Variants in LRRTM4 observed in about 807,000 individuals in gnomAD.
LRRTM4 encodes leucine-rich repeat transmembrane neuronal protein 4.
Under a neutral mutation model 47.6 loss-of-function variants are expected in LRRTM4, and 25 were observed. The ratio of observed to expected loss-of-function variants is 0.53; its 90% CI spans 0.38 to 0.73. The LOEUF (loss-of-function observed/expected upper bound fraction) is 0.73. LRRTM4 is among the 30% of genes least tolerant of loss of function. The probability of loss-of-function intolerance (pLI) is 0.00; values close to 1 mark genes in which losing one functional copy is unlikely to be tolerated. For missense variants in LRRTM4, 638 were observed against 713.4 expected, an observed-to-expected ratio of 0.89 and a Z score of 1.20; for synonymous variants, 311 against 269.5, an observed-to-expected ratio of 1.15 and a Z score of -1.51.
In LRRTM4 at chr2:77,007,454, G is replaced by A. The variant is rs375766390; in HGVS notation, c.1552-258538C>T. Among the ~76,000 whole-genome samples the A allele has an allele frequency of 9.2e-5, 14 of 152,230 alleles. No homozygotes were observed. In the East Asian group the frequency reaches 1.9e-3, roughly 21 times the overall value. On this transcript the variant is annotated intron_variant, in intron 3 of 3. Transcript: ENST00000409884. ...CTATATGACCAAATTTCATTCCCAT[G>A]TGAAAGAATATATTTGGAAAGCAAT...
intron 3 of LRRTM4, among the ~76,000 whole-genome samples, chr2:76,765,949 G>A (rs560150239): frequency 6.6e-6 from 1 of 152,310 alleles, no homozygotes; most frequent in East Asian, 1.9e-4. Flanking sequence ...AACATTTCTT[G>A]AAAGAGAGAT....
chr2:77,438,393 ATTTTTTTTTTTTTTTTT>A (rs70956631), intron 3 of LRRTM4, among the ~76,000 whole-genome samples: 3 of 100,172 alleles, frequency 3.0e-5, no homozygotes, highest in East Asian at 2.9e-4. Flanking sequence ...GATCATGATA[ATTTTTTTTTTTTTTTTT>A]TTTTTTTTTT....
chr2:77,365,913 T>A (rs1672429433), intron 3 of LRRTM4, among the ~76,000 whole-genome samples: 1 of 130,558 alleles, frequency 7.7e-6, no homozygotes, highest in African/African-American at 4.1e-5. Flanking sequence ...TCCTATATTA[T>A]ATATATATAA....
chr2:76,794,555 T>C (rs1349897262), intron 3 of LRRTM4, among the ~76,000 whole-genome samples: 5 of 152,238 alleles, frequency 3.3e-5, no homozygotes, highest in Non-Finnish European at 4.4e-5. Flanking sequence ...AATTGCTTTA[T>C]TAATTCTATA....
At chr2:76,795,056 A>G (rs1173907126) in intron 3 of LRRTM4, among the ~76,000 whole-genome samples, 1 of 151,942 alleles carries the variant, frequency 6.6e-6, no homozygotes, top group Non-Finnish European at 1.5e-5. Flanking sequence ...GGCAGATAGT[A>G]AGCTAAAGTA....
intron 3 of LRRTM4, among the ~76,000 whole-genome samples, chr2:76,815,765 G>A (rs929718812): frequency 2.0e-5 from 3 of 152,048 alleles, no homozygotes; most frequent in African/African-American, 4.8e-5. Flanking sequence ...AAGTAAATAT[G>A]TGTCAGAGAT....
intron 3 of LRRTM4, among the ~76,000 whole-genome samples, chr2:76,952,945 G>A (rs2103890954): frequency 6.6e-6 from 1 of 151,900 alleles, no homozygotes; most frequent in South Asian, 2.1e-4. Context: ...GGAAACTACT[G>A]CCTGTTCTCC....
At chr2:76,778,914 C>T (rs1176008879) in intron 3 of LRRTM4, among the ~76,000 whole-genome samples, 3 of 151,628 alleles carry the variant, frequency 2.0e-5, no homozygotes, top group Admixed American at 2.0e-4. Flanking sequence ...ATAAATTTCC[C>T]TTTACACACT....
intron 3 of LRRTM4, among the ~76,000 whole-genome samples, chr2:76,891,123 A>C (rs995879948): frequency 1.3e-5 from 2 of 151,962 alleles, no homozygotes; most frequent in Admixed American, 1.3e-4. Flanking sequence ...AAAACTGAAG[A>C]ATCTACAGAA....
At chr2:77,089,557 C>A (rs2103880397) in intron 3 of LRRTM4, among the ~76,000 whole-genome samples, 1 of 152,004 alleles carries the variant, frequency 6.6e-6, no homozygotes, top group Non-Finnish European at 1.5e-5. Flanking sequence ...TCCCACTTTT[C>A]TGGAAGGTAA....
At chr2:77,277,386 AACTTGTGTATTATAAAAATTTAT>A (rs1181593787) in intron 3 of LRRTM4, among the ~76,000 whole-genome samples, 1 of 152,060 alleles carries the variant, frequency 6.6e-6, no homozygotes, top group Non-Finnish European at 1.5e-5. Flanking sequence ...AGAAAATTTG[AACTTGTGTATTATAAAAATTTAT>A]ACTATAGAGT....
chr2:76,932,440 C>T (rs955138032), intron 3 of LRRTM4, among the ~76,000 whole-genome samples: 2 of 152,102 alleles, frequency 1.3e-5, no homozygotes, highest in African/African-American at 4.8e-5. Flanking sequence ...AGGCATTCCC[C>T]TATCTTCATC....
intron 3 of LRRTM4, among the ~76,000 whole-genome samples, chr2:77,313,760 A>G (rs1389660216): frequency 6.6e-6 from 1 of 152,174 alleles, no homozygotes; most frequent in Non-Finnish European, 1.5e-5. Context: ...AACTCTGAAA[A>G]TACCAACACT....
intron 3 of LRRTM4, among the ~76,000 whole-genome samples, chr2:77,107,818 C>CAAAAAAAAAAAAA (rs768875970): frequency 1.7e-5 from 1 of 57,858 alleles, no homozygotes; most frequent in Non-Finnish European, 3.6e-5. Context: ...AAATCCAACT[C>CAAAAAAAAAAAAA]AAAAAAAAAA....
At chr2:77,152,977 T>C (rs1454456415) in intron 3 of LRRTM4, among the ~76,000 whole-genome samples, 25 of 152,148 alleles carry the variant, frequency 1.6e-4, no homozygotes, top group Non-Finnish European at 2.9e-5. Flanking sequence ...AATTTTGAAA[T>C]GTAATATTCT....
chr2:76,817,859 AC>A (rs1236572569), intron 3 of LRRTM4, among the ~76,000 whole-genome samples: 1 of 151,976 alleles, frequency 6.6e-6, no homozygotes, highest in East Asian at 1.9e-4. Flanking sequence ...CCATGTTAGT[AC>A]CTTTCCTGTG....
intron 3 of LRRTM4, among the ~76,000 whole-genome samples, chr2:77,153,148 C>A (rs1349888401): frequency 6.6e-6 from 1 of 152,142 alleles, no homozygotes; most frequent in Non-Finnish European, 1.5e-5. Flanking sequence ...TAATTAGCAC[C>A]TTTAATGCTC....
At chr2:76,977,224 C>G (rs1352836556) in intron 3 of LRRTM4, among the ~76,000 whole-genome samples, 1 of 151,488 alleles carries the variant, frequency 6.6e-6, no homozygotes, top group Non-Finnish European at 1.5e-5. Context: ...TCCTTTTTTA[C>G]AAGACACCTG....
intron 3 of LRRTM4, among the ~76,000 whole-genome samples, chr2:77,348,183 T>C (rs1247310506): frequency 1.3e-5 from 2 of 152,080 alleles, no homozygotes; most frequent in African/African-American, 4.8e-5. Context: ...TGTATGCTCA[T>C]TTAACCATTT....
Sources: gnomAD v4.1 joint callset for allele counts (sites outside exome capture counted in the v4.1 genomes callset) on GRCh38, gnomAD v4.1.1 for gene constraint, MANE v1.5 for transcripts, NCBI Gene and HGNC (gene_info 2026-07-23, HGNC 2026-07-21) for gene names.